Variants in CDK14 observed in about 807,000 individuals in gnomAD.
CDK14 encodes the protein cyclin dependent kinase 14, also known as cyclin-dependent kinase 14.
A neutral mutation model predicts 60.7 loss-of-function variants in CDK14; 34 were observed. That is an observed-to-expected ratio of 0.56 (90% CI 0.43 to 0.75). CDK14 has a LOEUF of 0.75. CDK14 is among the 30% of genes least tolerant of loss of function. CDK14 has a pLI of 0.00. For missense variants in CDK14, 482 were observed against 564.1 expected (o/e 0.85, Z 1.47); for synonymous variants, 197 against 203.7 (o/e 0.97, Z 0.28).
intron 10 of CDK14, among the ~76,000 whole-genome samples, chr7:91,042,664 T>A (rs1445148418): frequency 6.6e-6 from 1 of 152,220 alleles, no homozygotes; most frequent in Non-Finnish European, 1.5e-5. Flanking sequence ...GAAAGGGGCT[T>A]CAAGTGTCAT....
At chr7:90,879,328 A>T (rs989269698) in intron 6 of CDK14, among the ~76,000 whole-genome samples, 2 of 152,204 alleles carry the variant, frequency 1.3e-5, no homozygotes, top group African/African-American at 4.8e-5. Context: ...CATCATTCCA[A>T]ATCATTAAAT....
intron 10 of CDK14, among the ~76,000 whole-genome samples, chr7:91,016,854 C>T (rs1355088527): frequency 1.3e-5 from 2 of 152,126 alleles, no homozygotes; most frequent in Admixed American, 6.6e-5. Context: ...ATAGTAACTT[C>T]GCATACACCA....
intron 10 of CDK14, among the ~76,000 whole-genome samples, chr7:91,008,145 A>C (rs972886610): frequency 2.2e-5 from 3 of 134,110 alleles, no homozygotes; most frequent in Middle Eastern, 4.3e-3. Flanking sequence ...AAAAAAAAAA[A>C]CAAACAAAAA....
intron 8 of CDK14, among the ~76,000 whole-genome samples, chr7:90,921,771 G>A (rs990996600): frequency 1.8e-4 from 28 of 151,964 alleles, no homozygotes; most frequent in African/African-American, 6.5e-4. Flanking sequence ...AAAACTCTGT[G>A]GTTATAATAG....
At chr7:90,978,882 A>C (rs1795149096) in intron 9 of CDK14, among the ~76,000 whole-genome samples, 1 of 152,214 alleles carries the variant, frequency 6.6e-6, no homozygotes, top group South Asian at 2.1e-4. Context: ...TCTATTATTT[A>C]CAAATAATCA....
Position 90,936,850 on chromosome 7 carries a change from G to A in CDK14, c.827-18847G>A, listed in dbSNP as rs1203133360. 2.0e-5 allele frequency among the ~76,000 whole-genome samples: 3 copies of A among 152,162 alleles called. No individual in the cohort carries two copies. In the East Asian group the frequency reaches 5.8e-4, roughly 29 times the overall value. Reference sequence around the variant, plus strand: ...TCCTAAAACTTTGGGAAGCTGACAAGGGAGGATAACTTGAGGCCAAGAGTT... The same window carrying A: ...TCCTAAAACTTTGGGAAGCTGACAAAGGAGGATAACTTGAGGCCAAGAGTT... On this transcript the variant is annotated intron_variant, in intron 8 of 14. Coordinates refer to ENST00000380050, the MANE Select transcript of CDK14 (RefSeq NM_001287135.2).
intron 6 of CDK14, among the ~76,000 whole-genome samples, chr7:90,885,734 C>T (rs117657769): frequency 0.026 from 3,912 of 152,136 alleles, 73 homozygotes; most frequent in Admixed American, 0.037. Context: ...GCTATGCAGC[C>T]GTAAAAAGAA....
chr7:90,681,961 T>C (rs1490898421), intron 2 of CDK14, among the ~76,000 whole-genome samples: 1 of 152,252 alleles, frequency 6.6e-6, no homozygotes, highest in African/African-American at 2.4e-5. Context: ...GTATATTTTA[T>C]AATTTATTTT....
chr7:91,174,879 C>G (rs1254745268), intron 14 of CDK14, among the ~76,000 whole-genome samples: 1 of 125,498 alleles, frequency 8.0e-6, no homozygotes, highest in Non-Finnish European at 1.6e-5. Context: ...TTGGAAAACA[C>G]TCTGCAGGAT....
rs1320439918 is a variant in CDK14, at chr7:90,954,675, A to T, written c.827-1022A>T. ...AGTCTCGCTCTATCACCCAGGCTGG[A>T]GTGCAGTGGCGGGATCTCGGCTCAC... On this transcript the variant is annotated intron_variant, in intron 8 of 14. Transcript: ENST00000380050. Among the ~76,000 whole-genome samples the T allele has an allele frequency of 1.1e-4, 2 of 18,466 alleles. 1 individual carries two copies. The highest frequency in any genetic ancestry group is 4.1e-4 in the Non-Finnish European group (2 of 4,832). The allele number at this position is 18,466 out of a possible 152,430, so 12.1% of individuals were successfully genotyped here.
intron 4 of CDK14, among the ~76,000 whole-genome samples, chr7:90,766,821 C>T (rs1438496344): frequency 1.3e-5 from 2 of 152,120 alleles, no homozygotes; most frequent in Non-Finnish European, 2.9e-5. Context: ...ACAGCTCTCT[C>T]ACACTGTCCG....
chr7:91,133,686 A>T (rs1472948478), intron 14 of CDK14, among the ~76,000 whole-genome samples: 1 of 152,122 alleles, frequency 6.6e-6, no homozygotes, highest in African/African-American at 2.4e-5. Flanking sequence ...AACAGAGAAG[A>T]TGGTTTTACC....
Position 90,885,009 on chromosome 7 carries a change from C to A in CDK14, c.640-14282C>A, listed in dbSNP as rs187663252. On this transcript the variant is annotated intron_variant, in intron 6 of 14. Transcript: ENST00000380050. ...TAGAGGAAAACCTAGGCTGTACTATCCAGTACATAGGCATGGACAAAGATG... is the reference window on the plus strand; with the variant it reads ...TAGAGGAAAACCTAGGCTGTACTATACAGTACATAGGCATGGACAAAGATG... 1.8e-3 allele frequency among the ~76,000 whole-genome samples: 270 copies of A among 152,136 alleles called. 2 individuals are homozygous for A. The Middle Eastern group carries it at 0.02, about 11-fold the overall frequency.
At chr7:90,666,572 C>T (rs1463230900) in intron 2 of CDK14, among the ~76,000 whole-genome samples, 7 of 152,114 alleles carry the variant, frequency 4.6e-5, no homozygotes, top group East Asian at 1.9e-4. Context: ...TTTATTTGAC[C>T]GTGTAACACT....
chr7:90,895,556 C>T (rs1218800652), intron 6 of CDK14, among the ~76,000 whole-genome samples: 2 of 93,370 alleles, frequency 2.1e-5, no homozygotes, highest in Admixed American at 1.1e-4. Flanking sequence ...CTCCCCTCTC[C>T]TCCCCTCCCC....
intron 5 of CDK14, among the ~76,000 whole-genome samples, chr7:90,827,835 A>G (rs979793094): frequency 5.9e-5 from 9 of 152,242 alleles, no homozygotes; most frequent in Admixed American, 2.0e-4. Flanking sequence ...TCTAACAACC[A>G]GAACTTCTCC....
chr7:90,877,531 T>C (rs1365878694), intron 6 of CDK14, among the ~76,000 whole-genome samples: 1 of 152,178 alleles, frequency 6.6e-6, no homozygotes, highest in African/African-American at 2.4e-5. Context: ...TGGATCTCAA[T>C]TACTAGTTTT....
intron 11 of CDK14, among the ~76,000 whole-genome samples, chr7:91,069,582 G>A (rs1798078122): frequency 6.6e-6 from 1 of 151,910 alleles, no homozygotes; most frequent in African/African-American, 2.4e-5. Flanking sequence ...ACTGAAAAAG[G>A]ACACCAACCA....
At chr7:90,756,003 A>G (rs1027569178) in intron 4 of CDK14, among the ~76,000 whole-genome samples, 3 of 152,192 alleles carry the variant, frequency 2.0e-5, no homozygotes, top group African/African-American at 7.2e-5. Context: ...CAGGAATCTT[A>G]GGGCTTAGAG....
Sources: allele counts gnomAD v4.1 joint callset (sites outside exome capture counted in the v4.1 genomes callset), GRCh38; gene constraint gnomAD v4.1.1; transcripts MANE v1.5; gene names NCBI Gene and HGNC (gene_info 2026-07-23, HGNC 2026-07-21).